LMOD3: variants seen among roughly 807,000 people sequenced by gnomAD.
The protein encoded by LMOD3 is leiomodin 3.
Under a neutral mutation model 41.8 loss-of-function variants are expected in LMOD3, and 31 were observed. The ratio of observed to expected loss-of-function variants is 0.74; its 90% CI spans 0.56 to 1.00. The LOEUF (loss-of-function observed/expected upper bound fraction) is 1.00, where lower values mean the gene tolerates loss of function less well. LMOD3 is among the 50% of genes least tolerant of loss of function. LMOD3 has a pLI of 0.00. For synonymous variants in LMOD3, 292 were observed against 241.9 expected, an observed-to-expected ratio of 1.21 and a Z score of -1.92; for missense variants, 755 against 679.5, an observed-to-expected ratio of 1.11 and a Z score of -1.23.
Position 69,108,941 on chromosome 3 carries a change from C to A in LMOD3, c.*154G>T. On this transcript the variant is annotated 3_prime_UTR_variant, in exon 3 of 3. Coordinates refer to ENST00000420581, the MANE Select transcript of LMOD3 (RefSeq NM_198271.5). ...AGCCCCTACTTCTTCATGGCCCAAACATTCTGCCTTTTACAAATACCCTTA... is the reference window on the plus strand; with the variant it reads ...AGCCCCTACTTCTTCATGGCCCAAAAATTCTGCCTTTTACAAATACCCTTA... 1.6e-6 allele frequency: 1 copy of A among 628,778 alleles called. No individual in the cohort carries two copies. Among genetic ancestry groups the A allele is most frequent in the Non-Finnish European group, 2.7e-6 (1 of 371,410 alleles). 38.9% of individuals were successfully genotyped at this position (628,778 alleles called of 1,614,324 possible).
chr3:69,120,973 C>A (rs1482993944), intron 1 of LMOD3, among the ~76,000 whole-genome samples: 2 of 152,054 alleles, frequency 1.3e-5, no homozygotes, highest in Non-Finnish European at 2.9e-5. Flanking sequence ...TTCATTTGAG[C>A]AAAAATTTCA....
chr3:69,121,999 A>T (rs1575883268), intron 1 of LMOD3, 94 bp downstream of exon 1: 1 of 1,034,578 alleles, frequency 9.7e-7, no homozygotes, highest in East Asian at 2.6e-5. Context: ...GCAGAACCAA[A>T]CCCTGGAGTC....
In LMOD3 at chr3:69,107,418, T is replaced by TTACTCAGG. The variant is rs927186165; in HGVS notation, c.*1669_*1676dup. 2.0e-5 allele frequency: 3 copies of TTACTCAGG among 147,212 alleles called. No homozygotes were observed. Among genetic ancestry groups the TTACTCAGG allele is most frequent in the African/African-American group, 7.5e-5 (3 of 39,904 alleles). The allele number at this position is 147,212 out of a possible 1,614,324, so 9.1% of individuals were successfully genotyped here. A position where few individuals can be genotyped will look rare whatever the true frequency, so the allele number is the denominator to read the frequency against. ...GAGAAAGAAGGCAGGTGCCAATTAT[T>TTACTCAGG]TACTCAGGTAAAGAAGAGAGAAAAG... On this transcript the variant is annotated 3_prime_UTR_variant, in exon 3 of 3. Coordinates refer to ENST00000420581, the MANE Select transcript of LMOD3 (RefSeq NM_198271.5).
rs774708945 is a variant in LMOD3, at chr3:69,118,962, G to A, written c.1393C>T (p.Arg465Cys). The A allele has an allele frequency of 4.3e-6, 7 of 1,612,976 alleles. No homozygotes were observed. The highest frequency in any genetic ancestry group is 4.0e-5 in the African/African-American group (3 of 74,576). ...PNPQNVPFSQRSEMMKKPSQA... is the reference protein window; with the variant it reads ...PNPQNVPFSQCSEMMKKPSQA... The stretch of plus-strand genomic sequence containing the variant: ...GATGGCTTTTTCATCATTTCACTGC[G>A]TTGACTAAAGGGGACATTTTGGGGG... The change falls in exon 2 of 3, where the codon CGC becomes TGC. Residue 465 changes from arginine (R) to cysteine (C), a missense_variant. Physicochemically the swap from Arg to Cys is radical, Grantham distance 180 (BLOSUM62 -3). Transcript: ENST00000420581.
chr3:69,112,435 T>C (rs747477053), intron 2 of LMOD3, among the ~76,000 whole-genome samples: 3 of 152,206 alleles, frequency 2.0e-5, no homozygotes, highest in Non-Finnish European at 4.4e-5. Context: ...TCCACCACTG[T>C]GGCCAGAAGG....
intron 2 of LMOD3, among the ~76,000 whole-genome samples, chr3:69,111,790 C>T (rs547863839): frequency 2.6e-5 from 4 of 152,200 alleles, no homozygotes; most frequent in African/African-American, 4.8e-5. Flanking sequence ...GAATAGTAAA[C>T]CCAGACACAT....
At chr3:69,115,885 C>T (rs1381754081) in intron 2 of LMOD3, among the ~76,000 whole-genome samples, 1 of 152,076 alleles carries the variant, frequency 6.6e-6, no homozygotes, top group East Asian at 1.9e-4. Context: ...GGCTGGAGAC[C>T]CAAGTGTGAA....
At position 69,122,465 on chromosome 3, in the gene LMOD3, G is replaced by C. The variant is rs2092413571; in HGVS notation, c.-79C>G. 5 of 1,123,010 alleles carry C rather than the reference G, an allele frequency of 4.5e-6. No homozygotes were observed. In the South Asian group the frequency reaches 8.4e-5, roughly 19 times the overall value. The allele number at this position is 1,123,010 out of a possible 1,614,324, so 69.6% of individuals were successfully genotyped here. On this transcript the variant is annotated 5_prime_UTR_variant, in exon 1 of 3. Transcript: ENST00000420581. ...TTAAAAAGAAGGAAAAAAGCCTCAA[G>C]AAGGTCCCCCAGTTAACGAGTGTCC...
At chr3:69,120,297 A>G (rs1326603793) in intron 1 of LMOD3, among the ~76,000 whole-genome samples, 1 of 152,164 alleles carries the variant, frequency 6.6e-6, no homozygotes, top group East Asian at 1.9e-4. Context: ...ATGGTGTTTA[A>G]TTTCAGAAGC....
chr3:69,120,214 G>C (rs1235545702), intron 1 of LMOD3, among the ~76,000 whole-genome samples, 154 bp from the exon 2 acceptor site: 2 of 147,388 alleles, frequency 1.4e-5, no homozygotes, highest in African/African-American at 5.2e-5. Flanking sequence ...AAAAATGGGT[G>C]GTTATTCTAT....
chr3:69,109,249 C>T, intron 2 of LMOD3, 128 bp from the exon 3 acceptor site: 1 of 779,842 alleles, frequency 1.3e-6, no homozygotes. Flanking sequence ...GCCAAAGCAC[C>T]TCCAAAATCA....
intron 2 of LMOD3, among the ~76,000 whole-genome samples, chr3:69,110,562 G>A (rs888793808): frequency 4.7e-5 from 7 of 150,502 alleles, no homozygotes; most frequent in African/African-American, 1.7e-4. Flanking sequence ...TTATAACAAG[G>A]CTGGGCGCGG....
At chr3:69,113,188 G>A (rs542614228) in intron 2 of LMOD3, among the ~76,000 whole-genome samples, 5 of 152,274 alleles carry the variant, frequency 3.3e-5, no homozygotes, top group Non-Finnish European at 2.9e-5. Flanking sequence ...CTGAATGCGT[G>A]ACAGAATGGA....
rs1416746525 is a variant in LMOD3, at chr3:69,119,701, A to C, written c.654T>G (p.Pro218=). The C allele has an allele frequency of 6.2e-7, 1 of 1,613,898 alleles. No homozygotes were observed. Among genetic ancestry groups the C allele is most frequent in the East Asian group, 2.2e-5 (1 of 44,866 alleles). Residue 218 remains proline, a synonymous_variant, in exon 2 of 3, where the codon CCT becomes CCG. Coordinates refer to ENST00000420581, the MANE Select transcript of LMOD3 (RefSeq NM_198271.5). Reference sequence around the variant, plus strand: ...AGCTGGTGTCTAGAGCTAACTTCTTAGGATCTAATTTCGATATTTTTTTCT... The same window carrying C: ...AGCTGGTGTCTAGAGCTAACTTCTTCGGATCTAATTTCGATATTTTTTTCT... ...QSEKKISKLD[P]KKLALDTSFL... is the part of the protein sequence containing the mutation.
rs555650704 is a variant in LMOD3 at position 69,122,345 on chromosome 3, G to A, written c.42C>T (p.Leu14=). The change falls in exon 1 of 3, where the codon CTC becomes CTT. Residue 14 remains leucine (L), a synonymous_variant. Coordinates refer to ENST00000420581, the MANE Select transcript of LMOD3 (RefSeq NM_198271.5). ...TTTCATCTTCATTAATCTCCTCATCGAGAAGTTCTTCTTGATCTGAATTTC... is the reference window on the plus strand; with the variant it reads ...TTTCATCTTCATTAATCTCCTCATCAAGAAGTTCTTCTTGATCTGAATTTC... The part of the protein sequence containing the change: ...HSRNSDQEEL[L]DEEINEDEIL... The A allele has an allele frequency of 1.5e-4, 239 of 1,611,536 alleles. No homozygotes were observed. The highest frequency in any genetic ancestry group is 2.0e-4 in the Non-Finnish European group (230 of 1,178,272).
chr3:69,117,851 T>C (rs564125224), intron 2 of LMOD3, among the ~76,000 whole-genome samples: 1 of 150,948 alleles, frequency 6.6e-6, no homozygotes, highest in Non-Finnish European at 1.5e-5. Flanking sequence ...TTTTTTTTTT[T>C]AGATGGAGTC....
At position 69,119,416 on chromosome 3, in the gene LMOD3, G is replaced by C; in HGVS notation, c.939C>G (p.Thr313=). ...ANMLRENRSI[T]TLNIESNFIT... The stretch of plus-strand genomic sequence containing the variant: ...TGAAATTGGACTCGATGTTGAGAGT[G>C]GTGATGCTTCTATTTTCACGCAACA... Residue 313 remains threonine (T), a synonymous_variant, in exon 2 of 3, where the codon ACC becomes ACG. Transcript: ENST00000420581. 2 of 1,613,962 alleles carry C rather than the reference G, an allele frequency of 1.2e-6. No homozygotes were observed. Among genetic ancestry groups the C allele is most frequent in the Non-Finnish European group, 1.7e-6 (2 of 1,179,892 alleles).
intron 2 of LMOD3, among the ~76,000 whole-genome samples, chr3:69,114,888 C>A (rs886601695): frequency 6.6e-6 from 1 of 152,094 alleles, no homozygotes; most frequent in Admixed American, 6.5e-5. Flanking sequence ...ATTTTTCACA[C>A]AGGGTCTCAC....
intron 2 of LMOD3, among the ~76,000 whole-genome samples, chr3:69,113,371 T>C (rs72924874): frequency 0.029 from 4,417 of 152,224 alleles, 184 homozygotes; most frequent in African/African-American, 0.092. Flanking sequence ...TTTCCCATTA[T>C]GTGATGAGAA....
Sources: allele counts gnomAD v4.1 joint callset (sites outside exome capture counted in the v4.1 genomes callset), GRCh38; gene constraint gnomAD v4.1.1; transcripts MANE v1.5; gene names NCBI Gene and HGNC (gene_info 2026-07-23, HGNC 2026-07-21).